The following KCNK13 variants were observed in gnomAD, a reference collection of about 807,000 sequenced individuals.
KCNK13 encodes the protein potassium channel subfamily K member 13.
A neutral mutation model predicts 23.4 loss-of-function variants in KCNK13; 12 were observed. The observed-to-expected ratio is 0.51, with a 90% CI of 0.33 to 0.83. The LOEUF (loss-of-function observed/expected upper bound fraction) is 0.83. Among genes scored for constraint, KCNK13 ranks in the 40% least tolerant of loss-of-function variants. The pLI is 0.02. For missense variants in KCNK13, 463 were observed against 556.3 expected (o/e 0.83, Z 1.69); for synonymous variants, 231 against 229.5 (o/e 1.01, Z -0.06).
rs535781833 is a variant in KCNK13, at chr14:90,098,837, G to T, written c.334+36298G>T. Among the ~76,000 whole-genome samples the T allele has an allele frequency of 2.6e-5, 4 of 152,112 alleles. No individual in the cohort carries two copies. In the South Asian group the frequency reaches 6.2e-4, roughly 24 times the overall value. On this transcript the variant is annotated intron_variant, in intron 1 of 1. Coordinates refer to ENST00000282146, the MANE Select transcript of KCNK13 (RefSeq NM_022054.4). The stretch of plus-strand genomic sequence containing the variant: ...CTCACGCCTGTAATCCCGGCACTTT[G>T]GGGGGGCCGAGGCAGGTGGATCATG...
chr14:90,074,474 A>G (rs963888323), intron 1 of KCNK13, among the ~76,000 whole-genome samples: 3 of 152,234 alleles, frequency 2.0e-5, no homozygotes, highest in African/African-American at 7.2e-5. Context: ...TGGTTGAGAT[A>G]AAGATTCTTA....
At chr14:90,146,490 A>G (rs947207879) in intron 1 of KCNK13, among the ~76,000 whole-genome samples, 16 of 151,968 alleles carry the variant, frequency 1.1e-4, no homozygotes, top group Admixed American at 5.2e-4. Context: ...TAATTTTTGT[A>G]TTTTTAGTAG....
At chr14:90,163,629 G>A (rs537810300) in intron 1 of KCNK13, among the ~76,000 whole-genome samples, 1 of 152,220 alleles carries the variant, frequency 6.6e-6, no homozygotes, top group South Asian at 2.1e-4. Flanking sequence ...GTTTGCACTG[G>A]GTGCTTCACA....
At chr14:90,076,357 A>G (rs989881241) in intron 1 of KCNK13, among the ~76,000 whole-genome samples, 1 of 152,262 alleles carries the variant, frequency 6.6e-6, no homozygotes, top group African/African-American at 2.4e-5. Context: ...TGCCAGGCTT[A>G]GATGGTGTCT....
At chr14:90,075,087 T>C (rs1280958802) in intron 1 of KCNK13, among the ~76,000 whole-genome samples, 3 of 152,114 alleles carry the variant, frequency 2.0e-5, no homozygotes, top group Non-Finnish European at 2.9e-5. Flanking sequence ...AATATTTGGT[T>C]TCATTGGTAT....
intron 1 of KCNK13, among the ~76,000 whole-genome samples, chr14:90,104,894 A>G (rs1286895421): frequency 1.3e-5 from 2 of 150,824 alleles, no homozygotes; most frequent in African/African-American, 2.4e-5. Flanking sequence ...GGTTCAAGCA[A>G]TCCTCCTGCC....
rs577709163 is a variant in KCNK13, at chr14:90,143,146, A to ACTTTCTTTCTTTCTTTCTTTCTTT, written c.335-40956_335-40933dup. 9.8e-4 allele frequency among the ~76,000 whole-genome samples: 114 copies of ACTTTCTTTCTTTCTTTCTTTCTTT among 115,776 alleles called. 1 individual carries two copies. The highest frequency in any genetic ancestry group is 3.4e-3 in the African/African-American group (107 of 31,854). The allele number at this position is 115,776 out of a possible 152,430, so 76.0% of individuals were successfully genotyped here. A position where few individuals can be genotyped will look rare whatever the true frequency, so the allele number is the denominator to read the frequency against. On this transcript the variant is annotated intron_variant, in intron 1 of 1. Transcript: ENST00000282146. ...TCCCTGTTTTAGGAGAAGAGCAGAA[A>ACTTTCTTTCTTTCTTTCTTTCTTT]CTTTCTTTCTTTCTTTCTTTCTTTC...
intron 1 of KCNK13, among the ~76,000 whole-genome samples, chr14:90,078,925 G>A (rs1052865955): frequency 6.6e-6 from 1 of 152,194 alleles, no homozygotes; most frequent in African/African-American, 2.4e-5. Flanking sequence ...GAAGCATATT[G>A]CTTAGGAATT....
chr14:90,111,885 C>T (rs939037981), intron 1 of KCNK13, among the ~76,000 whole-genome samples: 3 of 152,182 alleles, frequency 2.0e-5, no homozygotes, highest in Non-Finnish European at 2.9e-5. Flanking sequence ...ACCTCTTCCA[C>T]GCATCCCTCA....
intron 1 of KCNK13, among the ~76,000 whole-genome samples, chr14:90,135,939 G>C (rs141584559): frequency 4.0e-4 from 61 of 151,936 alleles, no homozygotes; most frequent in African/African-American, 1.4e-3. Flanking sequence ...ATCACTTCTC[G>C]GGCATAAAGA....
chr14:90,120,916 G>GT (rs200143276), intron 1 of KCNK13, among the ~76,000 whole-genome samples: 9,354 of 149,944 alleles, frequency 0.062, 403 homozygotes, highest in South Asian at 0.16. Flanking sequence ...TCAAAAGCAA[G>GT]TTAGTTACTT....
intron 1 of KCNK13, among the ~76,000 whole-genome samples, chr14:90,071,707 G>A (rs1889076892): frequency 6.6e-6 from 1 of 152,144 alleles, no homozygotes; most frequent in South Asian, 2.1e-4. Context: ...GACCATTGTG[G>A]CCAACATGGT....
Position 90,185,124 on chromosome 14 carries a change from C to T in KCNK13, c.*121C>T, listed in dbSNP as rs1177865665. The T allele has an allele frequency of 1.0e-5, 9 of 872,264 alleles. No homozygotes were observed. The highest frequency in any genetic ancestry group is 3.2e-5 in the Admixed American group (1 of 31,584). 54.0% of individuals were successfully genotyped at this position (872,264 alleles called of 1,614,324 possible). On this transcript the variant is annotated 3_prime_UTR_variant, in exon 2 of 2. Transcript: ENST00000282146. The stretch of plus-strand genomic sequence containing the variant: ...TCTGGGAGCTGTTCCCGGGAGCCTC[C>T]GCAAGCATCTTTAGAAATCTGATCT...
rs530793667 is a variant in KCNK13 at position 90,071,432 on chromosome 14, C to T, written c.334+8893C>T. Reference sequence around the variant, plus strand: ...AGTTCTGGAACCTCTTATCCCTAAACTCCTCCCCAACTTTCTCCCAACCAT... The same window carrying T: ...AGTTCTGGAACCTCTTATCCCTAAATTCCTCCCCAACTTTCTCCCAACCAT... On this transcript the variant is annotated intron_variant, in intron 1 of 1. Coordinates refer to ENST00000282146, the MANE Select transcript of KCNK13 (RefSeq NM_022054.4). Among the ~76,000 whole-genome samples the T allele has an allele frequency of 2.0e-5, 3 of 152,326 alleles. No individual in the cohort carries two copies. The East Asian group carries it at 5.8e-4, about 29-fold the overall frequency.
intron 1 of KCNK13, among the ~76,000 whole-genome samples, chr14:90,167,391 T>C (rs1393133565): frequency 6.6e-6 from 1 of 152,242 alleles, no homozygotes; most frequent in African/African-American, 2.4e-5. Flanking sequence ...TAACATTTAT[T>C]GAGTTACTTA....
intron 1 of KCNK13, among the ~76,000 whole-genome samples, chr14:90,116,455 G>A (rs199973780): frequency 1.3e-5 from 2 of 152,114 alleles, no homozygotes; most frequent in East Asian, 3.8e-4. Flanking sequence ...ATGGCAGACC[G>A]CATCCCTGAA....
At chr14:90,163,680 CTTATTTAT>C (rs10629193) in intron 1 of KCNK13, among the ~76,000 whole-genome samples, 10 of 151,672 alleles carry the variant, frequency 6.6e-5, no homozygotes, top group African/African-American at 1.5e-4. Context: ...CTTCACGTTT[CTTATTTAT>C]TTATTTATTT....
intron 1 of KCNK13, among the ~76,000 whole-genome samples, chr14:90,138,008 A>C (rs1363558865): frequency 6.6e-6 from 1 of 152,150 alleles, no homozygotes; most frequent in African/African-American, 2.4e-5. Flanking sequence ...ACCCGTTGGC[A>C]TCCTCTGACT....
intron 1 of KCNK13, chr14:90,107,645 T>G (rs938482475): frequency 6.2e-6 from 4 of 640,568 alleles, no homozygotes; most frequent in Non-Finnish European, 1.2e-5. Flanking sequence ...CAACTGAGGA[T>G]TCTTCCCAGG....
Sources: allele counts gnomAD v4.1 joint callset (sites outside exome capture counted in the v4.1 genomes callset), GRCh38; gene constraint gnomAD v4.1.1; transcripts MANE v1.5; gene names NCBI Gene and HGNC (gene_info 2026-07-23, HGNC 2026-07-21).